Variants in ANKS1B observed in about 807,000 individuals in gnomAD.
ANKS1B encodes ankyrin repeat and sterile alpha motif domain-containing protein 1B.
ANKS1B carries 36 observed loss-of-function variants against 148.3 expected under a neutral mutation model. The ratio of observed to expected loss-of-function variants is 0.24; its 90% CI spans 0.19 to 0.32. ANKS1B has a LOEUF of 0.32. ANKS1B is among the 10% of genes least tolerant of loss of function. The pLI is 1.00. For missense variants in ANKS1B, 1,157 were observed against 1,542.6 expected (o/e 0.75, Z 4.19); for synonymous variants, 542 against 560.8 (o/e 0.97, Z 0.47).
intron 1 of ANKS1B, among the ~76,000 whole-genome samples, chr12:99,966,925 C>T (rs931749854): frequency 6.6e-6 from 1 of 152,166 alleles, no homozygotes; most frequent in Admixed American, 6.5e-5. Context: ...CAGTACCACT[C>T]CTAAAAGCAA....
At chr12:99,491,332 T>C (rs1489764635) in intron 10 of ANKS1B, among the ~76,000 whole-genome samples, 1 of 152,010 alleles carries the variant, frequency 6.6e-6, no homozygotes, top group Non-Finnish European at 1.5e-5. Flanking sequence ...TAATTGTTAG[T>C]ATGTGCTGAA....
At chr12:98,831,697 C>T in intron 18 of ANKS1B, 1 of 219,632 alleles carries the variant, frequency 4.6e-6, no homozygotes, top group Non-Finnish European at 9.2e-6. Context: ...AGAGCCAGCA[C>T]TTCCTGATCT....
At chr12:99,583,566 T>C (rs894466215) in intron 9 of ANKS1B, among the ~76,000 whole-genome samples, 3 of 152,224 alleles carry the variant, frequency 2.0e-5, no homozygotes, top group Non-Finnish European at 2.9e-5. Flanking sequence ...CATTAATAAA[T>C]GACTTTTTAG....
chr12:99,105,660 T>A (rs2059019457), intron 15 of ANKS1B, among the ~76,000 whole-genome samples: 1 of 149,064 alleles, frequency 6.7e-6, no homozygotes, highest in Non-Finnish European at 1.5e-5. Flanking sequence ...TCCCAGCTAC[T>A]CGGTAGGCTG....
At chr12:98,893,465 G>A (rs1440668267) in intron 17 of ANKS1B, 2 of 152,170 alleles carry the variant, frequency 1.3e-5, no homozygotes, top group African/African-American at 4.8e-5. Flanking sequence ...ACTTTAACGT[G>A]AGCCCACCCC....
chr12:99,755,821 A>C (rs2061519319), intron 8 of ANKS1B, among the ~76,000 whole-genome samples: 2 of 152,092 alleles, frequency 1.3e-5, no homozygotes, highest in South Asian at 4.1e-4. Context: ...CATGTTAAAA[A>C]CTCTCAATAA....
At chr12:99,411,783 A>G (rs2094716628) in intron 11 of ANKS1B, among the ~76,000 whole-genome samples, 1 of 152,028 alleles carries the variant, frequency 6.6e-6, no homozygotes, top group Non-Finnish European at 1.5e-5. Context: ...TACTAACATC[A>G]CACTCTCTTA....
chr12:99,463,391 A>C (rs962359854), intron 10 of ANKS1B, among the ~76,000 whole-genome samples: 4 of 152,212 alleles, frequency 2.6e-5, no homozygotes. Context: ...CTGCATTTCC[A>C]TCTGAGGTAC....
intron 4 of ANKS1B, among the ~76,000 whole-genome samples, chr12:99,802,927 A>G (rs566427000): frequency 1.4e-5 from 2 of 144,222 alleles, no homozygotes; most frequent in African/African-American, 2.6e-5. Flanking sequence ...AAAAAAAAAA[A>G]GTAAAATAAA....
intron 1 of ANKS1B, among the ~76,000 whole-genome samples, chr12:99,848,476 A>G (rs927824596): frequency 1.3e-5 from 2 of 152,206 alleles, no homozygotes; most frequent in African/African-American, 2.4e-5. Flanking sequence ...TTAAAGTACC[A>G]TATATCACGA....
intron 18 of ANKS1B, among the ~76,000 whole-genome samples, chr12:98,830,666 G>A (rs2099300052): frequency 6.6e-6 from 1 of 152,162 alleles, no homozygotes; most frequent in African/African-American, 2.4e-5. Flanking sequence ...CATCTCTTCA[G>A]AAAAGAAATC....
At chr12:98,915,510 C>T (rs753092251) in intron 17 of ANKS1B, among the ~76,000 whole-genome samples, 51 of 152,130 alleles carry the variant, frequency 3.4e-4, no homozygotes, top group Non-Finnish European at 7.3e-4. Flanking sequence ...TATCATCACA[C>T]CCAGCTAATT....
At chr12:99,295,694 T>C (rs928765928) in intron 12 of ANKS1B, among the ~76,000 whole-genome samples, 1 of 152,212 alleles carries the variant, frequency 6.6e-6, no homozygotes, top group Non-Finnish European at 1.5e-5. Flanking sequence ...TTGTACAGAT[T>C]ACTTCACACC....
chr12:99,540,196 CAATT>C (rs991119260), intron 9 of ANKS1B, among the ~76,000 whole-genome samples: 2 of 151,958 alleles, frequency 1.3e-5, no homozygotes, highest in African/African-American at 4.8e-5. Flanking sequence ...GAGAAATAGA[CAATT>C]AAAAAATAAT....
chr12:98,804,533 C>A (rs1182035680), intron 20 of ANKS1B, among the ~76,000 whole-genome samples: 1 of 151,820 alleles, frequency 6.6e-6, no homozygotes, highest in Non-Finnish European at 1.5e-5. Context: ...AACAACTGGA[C>A]TTAACATTAC....
At chr12:99,810,424 G>A (rs1160334642) in intron 3 of ANKS1B, among the ~76,000 whole-genome samples, 1 of 151,832 alleles carries the variant, frequency 6.6e-6, no homozygotes, top group Non-Finnish European at 1.5e-5. Flanking sequence ...AAAATTAAAA[G>A]TTATCTATAA....
chr12:99,712,088 G>C (rs558281532), intron 8 of ANKS1B, among the ~76,000 whole-genome samples: 2 of 152,292 alleles, frequency 1.3e-5, no homozygotes, highest in South Asian at 2.1e-4. Flanking sequence ...GCAAACTAAT[G>C]CAAGAACAGA....
chr12:99,482,909 G>A (rs1305053014), intron 10 of ANKS1B, among the ~76,000 whole-genome samples: 1 of 151,968 alleles, frequency 6.6e-6, no homozygotes, highest in Non-Finnish European at 1.5e-5. Context: ...GAGTCTTTTG[G>A]AGAGTTTTTA....
At chr12:99,733,321 C>T (rs1346991785) in intron 8 of ANKS1B, among the ~76,000 whole-genome samples, 2 of 152,178 alleles carry the variant, frequency 1.3e-5, no homozygotes. Context: ...AAGCGTGAAG[C>T]TTAAGGGGCA....
Sources: allele counts gnomAD v4.1 joint callset (sites outside exome capture counted in the v4.1 genomes callset), GRCh38; gene constraint gnomAD v4.1.1; transcripts MANE v1.5; gene names NCBI Gene and HGNC (gene_info 2026-07-23, HGNC 2026-07-21).